ZNF106: variants seen among roughly 807,000 people sequenced by gnomAD.
ZNF106 encodes the protein zinc finger protein 106, also known as SH3-domain binding protein 3.
Under a neutral mutation model 195.1 loss-of-function variants are expected in ZNF106, and 67 were observed. The ratio of observed to expected loss-of-function variants is 0.34; its 90% confidence interval spans 0.28 to 0.42. The LOEUF (loss-of-function observed/expected upper bound fraction) is 0.42, where lower values mean the gene tolerates loss of function less well. Ranked by LOEUF, ZNF106 falls within the 10% of genes least tolerant of loss-of-function variation. The pLI, the probability that ZNF106 is intolerant of heterozygous loss-of-function variation, is 1.00. For missense variants in ZNF106, 2,118 were observed against 2,304.5 expected, an observed-to-expected ratio of 0.92 and a Z score of 1.66; for synonymous variants, 784 against 818.6, an observed-to-expected ratio of 0.96 and a Z score of 0.72.
chr15:42,450,544 A>T lies in ZNF106; in HGVS notation c.1728T>A (p.Leu576=). The change falls in exon 5 of 22, where the codon CTT becomes CTA. Residue 576 remains leucine, a synonymous_variant. Transcript: ENST00000564754. ...AGTTCCTGGTACTTTTAGAAGTGCT[A>T]AGAAGTGGATTTTGCAATGACTCAT... ...QCHESLQNPL[L]STSKSTRNYA... The T allele has an allele frequency of 1.2e-6, 2 of 1,614,140 alleles. No individual in the cohort carries two copies. The highest frequency in any genetic ancestry group is 1.7e-6 in the Non-Finnish European group (2 of 1,180,022).
intron 16 of ZNF106, 22 bp downstream of exon 16, chr15:42,424,812 G>A (rs753064971): frequency 8.1e-6 from 13 of 1,601,794 alleles, no homozygotes; most frequent in African/African-American, 8.0e-5. Context: ...AGACAACTCC[G>A]ATTCTCTTGC....
chr15:42,466,240 T>G (rs2056514511), intron 2 of ZNF106, 126 bp from the exon 3 acceptor site: 1 of 555,930 alleles, frequency 1.8e-6, no homozygotes, highest in South Asian at 3.9e-5. Context: ...TTTTGGTTAT[T>G]CTCAATTTAA....
Position 42,417,245 on chromosome 15 carries a change from G to C in ZNF106, c.*59C>G, listed in dbSNP as rs970231763. 1.9e-6 allele frequency: 3 copies of C among 1,575,376 alleles called. No homozygotes were observed. The highest frequency in any genetic ancestry group is 2.2e-5 in the East Asian group (1 of 44,626). On this transcript the variant is annotated 3_prime_UTR_variant, in exon 22 of 22. Coordinates refer to ENST00000564754, the MANE Select transcript of ZNF106 (RefSeq NM_001366845.3). Reference sequence around the variant, plus strand: ...AGAAAGGGAAGAGAGTGGCCTGTGTGGGGGGCCAATGTGAAAATAGTTCAA... The same window carrying C: ...AGAAAGGGAAGAGAGTGGCCTGTGTCGGGGGCCAATGTGAAAATAGTTCAA...
chr15:42,448,816 T>A lies in ZNF106; in HGVS notation c.2502-111A>T, dbSNP rs533431382. On this transcript the variant is annotated intron_variant, in intron 5 of 21. Transcript: ENST00000564754. ...AGCACTGAGGTTATAAAAAGTAAGG[T>A]GGCTCTTGCCTTCAAGGGGCTCACA... The A allele has an allele frequency of 3.8e-5, 44 of 1,165,382 alleles. No individual in the cohort carries two copies. The East Asian group carries it at 1.1e-3, about 29-fold the overall frequency. 72.2% of individuals were successfully genotyped at this position (1,165,382 alleles called of 1,614,324 possible). A position where few individuals can be genotyped will look rare whatever the true frequency, so the allele number is the denominator to read the frequency against.
chr15:42,464,271 C>T (rs892644412), intron 3 of ZNF106, among the ~76,000 whole-genome samples: 4 of 150,424 alleles, frequency 2.7e-5, no homozygotes, highest in South Asian at 2.1e-4. Context: ...ACCCGGGAGG[C>T]GGAGGTTGCA....
chr15:42,418,680 G>A (rs565438551), intron 20 of ZNF106, among the ~76,000 whole-genome samples: 8 of 151,278 alleles, frequency 5.3e-5, no homozygotes, highest in South Asian at 2.1e-4. Flanking sequence ...CACCCCGCCC[G>A]AAAGGGCTAT....
At chr15:42,481,354 GTTGT>G (rs1454776503) in intron 1 of ZNF106, among the ~76,000 whole-genome samples, 2 of 94,326 alleles carry the variant, frequency 2.1e-5, no homozygotes, top group Non-Finnish European at 4.1e-5. Context: ...TTTTTTTTTT[GTTGT>G]TTTTTTTTTT....
intron 7 of ZNF106, among the ~76,000 whole-genome samples, 157 bp from the exon 8 acceptor site, chr15:42,445,138 A>T (rs1232493132): frequency 6.6e-6 from 1 of 152,252 alleles, no homozygotes; most frequent in Non-Finnish European, 1.5e-5. Context: ...AAGCACAATG[A>T]TATCAAAGCT....
At position 42,451,018 on chromosome 15, in the gene ZNF106, A is replaced by G. The variant is rs760720567; in HGVS notation, c.1254T>C (p.Asp418=). 2.5e-6 allele frequency: 4 copies of G among 1,614,198 alleles called. No homozygotes were observed. In the East Asian group the frequency reaches 8.9e-5, roughly 36 times the overall value. The change falls in exon 5 of 22, where the codon GAT becomes GAC. Residue 418 remains aspartate (D), a synonymous_variant. Coordinates refer to ENST00000564754, the MANE Select transcript of ZNF106 (RefSeq NM_001366845.3). Reference sequence around the variant, plus strand: ...TCTGTGTTGGGGAATTACGTGTTTCATCAGTTTGGGGCTCCTGTATTCCTG... The same window carrying G: ...TCTGTGTTGGGGAATTACGTGTTTCGTCAGTTTGGGGCTCCTGTATTCCTG... ...ITTGIQEPQT[D]ETRNSPTQKT...
rs943150854 is a variant in ZNF106, at chr15:42,417,135, G to A, written c.*169C>T. 11 of 620,878 alleles carry A rather than the reference G, an allele frequency of 1.8e-5. No homozygotes were observed. The highest frequency in any genetic ancestry group is 3.1e-5 in the Non-Finnish European group (11 of 359,936). The allele number at this position is 620,878 out of a possible 1,614,324, so 38.5% of individuals were successfully genotyped here. A position where few individuals can be genotyped will look rare whatever the true frequency, so the allele number is the denominator to read the frequency against. ...AAACCTCCAGCAAGAACTTAAAAGT[G>A]TAATTTATCATCCCATAGAGCTGCC... On this transcript the variant is annotated 3_prime_UTR_variant, in exon 22 of 22. Transcript: ENST00000564754.
At chr15:42,429,077 T>A (rs1448429684) in intron 14 of ZNF106, among the ~76,000 whole-genome samples, 2 of 151,472 alleles carry the variant, frequency 1.3e-5, no homozygotes, top group African/African-American at 4.9e-5. Flanking sequence ...ACCAATTTCC[T>A]CCAACTAGAT....
intron 1 of ZNF106, among the ~76,000 whole-genome samples, chr15:42,487,968 T>C (rs1298739893): frequency 2.0e-5 from 3 of 152,204 alleles, no homozygotes; most frequent in Non-Finnish European, 4.4e-5. Flanking sequence ...TTATATGAAA[T>C]GGCACAGTAT....
chr15:42,473,827 A>G (rs1056039841), intron 1 of ZNF106, among the ~76,000 whole-genome samples: 9 of 152,186 alleles, frequency 5.9e-5, no homozygotes, highest in African/African-American at 2.2e-4. Flanking sequence ...CTCCCTGTGA[A>G]CTATTTTGAT....
intron 2 of ZNF106, among the ~76,000 whole-genome samples, chr15:42,471,949 T>G (rs1326020039): frequency 6.6e-6 from 1 of 152,218 alleles, no homozygotes; most frequent in Non-Finnish European, 1.5e-5. Flanking sequence ...TTAAGGTATC[T>G]TCCCTATAAC....
chr15:42,438,958 T>C, intron 11 of ZNF106, 75 bp downstream of exon 11: 2 of 1,494,590 alleles, frequency 1.3e-6, no homozygotes, highest in Non-Finnish European at 1.8e-6. Flanking sequence ...AAATTCTGAT[T>C]CATAATTTCA....
chr15:42,452,037 G>T, intron 4 of ZNF106, 83 bp from the exon 5 acceptor site: 1 of 1,441,622 alleles, frequency 6.9e-7, no homozygotes, highest in Non-Finnish European at 9.3e-7. Context: ...AACTTCCCTT[G>T]TACTTTCCTC....
In ZNF106 at chr15:42,457,156, T is replaced by C; in HGVS notation, c.119A>G (p.Asp40Gly). ...GCACACTCGGCACTCATGACTAATG[T>C]CCCTAGGGAAAGAGGGAGATGAGGG... ...HRELENLKGR[D>G]ISHECRVCGV... The change falls in exon 4 of 22, where the codon GAC becomes GGC. Residue 40 changes from aspartate to glycine, a missense_variant and splice_region_variant. Asp to Gly is a moderately conservative substitution (Grantham distance 94, BLOSUM62 -1). Transcript: ENST00000564754. 1 of 1,614,144 alleles carries C rather than the reference T, an allele frequency of 6.2e-7. No individual in the cohort carries two copies. The highest frequency in any genetic ancestry group is 8.5e-7 in the Non-Finnish European group (1 of 1,180,044).
intron 1 of ZNF106, among the ~76,000 whole-genome samples, chr15:42,487,000 A>C (rs891916176): frequency 6.6e-6 from 1 of 151,922 alleles, no homozygotes; most frequent in Non-Finnish European, 1.5e-5. Context: ...AATACAAAAA[A>C]TTAGCCAGGC....
In ZNF106 at chr15:42,439,499, C is replaced by A; in HGVS notation, c.4078G>T (p.Ala1360Ser). ...TCAGCTGATGTCAAAGTGGATTCTG[C>A]CTGTTGTTCAGGCTGGTCAGCTGGA... ...HSPADQPEQQ[A>S]ESTLTSAETR... Residue 1360 changes from alanine to serine, a missense_variant, in exon 11 of 22, where the codon GCA (alanine) becomes TCA (serine). Coordinates refer to ENST00000564754, the MANE Select transcript of ZNF106 (RefSeq NM_001366845.3). The A allele has an allele frequency of 6.2e-7, 1 of 1,614,122 alleles. No homozygotes were observed. Among genetic ancestry groups the A allele is most frequent in the Non-Finnish European group, 8.5e-7 (1 of 1,180,028 alleles).
Sources: allele counts gnomAD v4.1 joint callset (sites outside exome capture counted in the v4.1 genomes callset), GRCh38; gene constraint gnomAD v4.1.1; transcripts MANE v1.5; gene names NCBI Gene and HGNC (gene_info 2026-07-23, HGNC 2026-07-21).